RBFOX1: variants seen among roughly 807,000 people sequenced by gnomAD.
RBFOX1 encodes RNA binding protein fox-1 homolog 1.
RBFOX1 carries 8 observed loss-of-function variants against 57.7 expected under a neutral mutation model. The ratio of observed to expected loss-of-function variants is 0.14; its 90% confidence interval spans 0.08 to 0.25. The LOEUF is 0.25. Ranked by LOEUF, RBFOX1 falls within the 10% of genes least tolerant of loss-of-function variation. The probability of loss-of-function intolerance (pLI) is 1.00; values close to 1 mark genes in which losing one functional copy is unlikely to be tolerated. For missense variants in RBFOX1, 611 were observed against 548.5 expected (o/e 1.11, Z -1.14); for synonymous variants, 326 against 222.4 (o/e 1.47, Z -4.15).
chr16:6,929,148 T>G (rs1193537871), intron 3 of RBFOX1, among the ~76,000 whole-genome samples: 1 of 152,088 alleles, frequency 6.6e-6, no homozygotes, highest in Non-Finnish European at 1.5e-5. Flanking sequence ...ACACATCTCT[T>G]CTCCTGGATA....
intron 1 of RBFOX1, among the ~76,000 whole-genome samples, chr16:6,051,543 G>A (rs553650120): frequency 6.6e-6 from 1 of 152,174 alleles, no homozygotes; most frequent in South Asian, 2.1e-4. Flanking sequence ...TGGCCAGGTT[G>A]GTCTTGAACT....
intron 2 of RBFOX1, among the ~76,000 whole-genome samples, chr16:5,550,970 A>C (rs2045439019): frequency 6.6e-6 from 1 of 152,144 alleles, no homozygotes; most frequent in Non-Finnish European, 1.5e-5. Context: ...AGCCTTGAGA[A>C]GGATCCAACT....
intron 1 of RBFOX1, among the ~76,000 whole-genome samples, chr16:5,288,262 A>G (rs2063448257): frequency 6.6e-6 from 1 of 152,238 alleles, no homozygotes; most frequent in Admixed American, 6.5e-5. Context: ...TTACATGCTG[A>G]TAATTATTTG....
At chr16:6,030,100 T>G (rs955141325) in intron 1 of RBFOX1, among the ~76,000 whole-genome samples, 4 of 152,068 alleles carry the variant, frequency 2.6e-5, no homozygotes, top group Admixed American at 6.5e-5. Flanking sequence ...TAAATTTTTG[T>G]ATTTTTTTGT....
intron 2 of RBFOX1, among the ~76,000 whole-genome samples, chr16:6,593,619 C>T (rs1340949084): frequency 1.3e-5 from 2 of 152,090 alleles, no homozygotes; most frequent in Admixed American, 6.6e-5. Context: ...TCAAATTATG[C>T]TGGTAATGTG....
chr16:7,400,654 G>C (rs1036369480), intron 4 of RBFOX1, among the ~76,000 whole-genome samples: 8 of 152,154 alleles, frequency 5.3e-5, no homozygotes, highest in African/African-American at 1.9e-4. Flanking sequence ...TCATTCTTCA[G>C]CCATTTGGAG....
chr16:6,153,686 C>T (rs142098337), intron 1 of RBFOX1, among the ~76,000 whole-genome samples: 3,199 of 152,254 alleles, frequency 0.021, 45 homozygotes, highest in Middle Eastern at 0.034. Flanking sequence ...CAGGTGCCCA[C>T]CACCATGCCT....
At chr16:5,674,196 C>T (rs6500712) in intron 3 of RBFOX1, among the ~76,000 whole-genome samples, 1 of 151,992 alleles carries the variant, frequency 6.6e-6, no homozygotes, top group East Asian at 1.9e-4. Flanking sequence ...TACAGGTATA[C>T]CAAATGTTAT....
At chr16:6,369,609 C>G (rs1240054057) in intron 2 of RBFOX1, among the ~76,000 whole-genome samples, 2 of 152,172 alleles carry the variant, frequency 1.3e-5, no homozygotes, top group African/African-American at 4.8e-5. Flanking sequence ...TGTCTTGTTA[C>G]TACCATGTTC....
In RBFOX1 at chr16:6,857,733, G is replaced by C. The variant is rs1291893599; in HGVS notation, c.-15-194324G>C. The stretch of plus-strand genomic sequence containing the variant: ...TGATTTCCCATTCTCCTGTAAATTG[G>C]GAGAGGCAGGGAGAGCAGTGGAATG... On this transcript the variant is annotated intron_variant, in intron 3 of 15. Coordinates refer to ENST00000550418, the MANE Select transcript of RBFOX1 (RefSeq NM_018723.4). Among the ~76,000 whole-genome samples the C allele has an allele frequency of 1.1e-4, 17 of 152,218 alleles. No homozygotes were observed. In the East Asian group the frequency reaches 2.1e-3, roughly 19 times the overall value.
chr16:5,932,085 A>G (rs902597292), intron 4 of RBFOX1, among the ~76,000 whole-genome samples: 4 of 152,206 alleles, frequency 2.6e-5, no homozygotes, highest in African/African-American at 7.2e-5. Flanking sequence ...GATTGCAGGA[A>G]TGAGCCACTG....
chr16:6,209,805 G>C (rs1399212236), intron 1 of RBFOX1, among the ~76,000 whole-genome samples: 2 of 152,186 alleles, frequency 1.3e-5, no homozygotes, highest in East Asian at 3.9e-4. Flanking sequence ...AGAGGTTTTA[G>C]CTGCTTGTCC....
In RBFOX1 at chr16:7,710,664, T is replaced by C; in HGVS notation, c.1113T>C (p.His371=). 2 of 1,613,704 alleles carry C rather than the reference T, an allele frequency of 1.2e-6. No homozygotes were observed. Among genetic ancestry groups the C allele is most frequent in the Non-Finnish European group, 1.7e-6 (2 of 1,179,808 alleles). ...APLTDAKTRS[H]ADDVGLVLSS... is the part of the protein sequence containing the mutation. ...TGACTGATGCCAAGACTAGGAGCCA[T>C]GCTGATGATGTGGGTCTCGTTCTTT... Residue 371 remains histidine, a synonymous_variant, in exon 16 of 16, where the codon CAT becomes CAC. Coordinates refer to ENST00000550418, the MANE Select transcript of RBFOX1 (RefSeq NM_018723.4).
intron 4 of RBFOX1, among the ~76,000 whole-genome samples, chr16:7,196,405 C>T (rs1285359934): frequency 6.6e-6 from 1 of 152,190 alleles, no homozygotes; most frequent in African/African-American, 2.4e-5. Flanking sequence ...ACTTGCTTAG[C>T]AGCACAAAAT....
At chr16:5,808,762 T>C (rs2151770662) in intron 3 of RBFOX1, among the ~76,000 whole-genome samples, 1 of 152,352 alleles carries the variant, frequency 6.6e-6, no homozygotes, top group African/African-American at 2.4e-5. Flanking sequence ...TTTTTGTGCA[T>C]TGATTTTGTA....
chr16:6,486,528 G>A (rs1315480596), intron 2 of RBFOX1, among the ~76,000 whole-genome samples: 1 of 152,084 alleles, frequency 6.6e-6, no homozygotes, highest in Non-Finnish European at 1.5e-5. Flanking sequence ...AAGGGAGTTG[G>A]CGTAAGTTCT....
intron 3 of RBFOX1, among the ~76,000 whole-genome samples, chr16:6,767,954 AAG>A (rs1491149257): frequency 2.2e-3 from 198 of 90,428 alleles, no homozygotes; most frequent in East Asian, 5.4e-3. Context: ...TAATAAGAAG[AAG>A]AAGAAGAAGA....
intron 5 of RBFOX1, among the ~76,000 whole-genome samples, chr16:7,525,146 T>C (rs2078410166): frequency 6.6e-6 from 1 of 152,208 alleles, no homozygotes; most frequent in Non-Finnish European, 1.5e-5. Context: ...CTCTATCATC[T>C]GTCTCTAATT....
chr16:7,417,561 T>TGTGTGTGTGTG, intron 4 of RBFOX1, among the ~76,000 whole-genome samples: 1 of 151,780 alleles, frequency 6.6e-6, no homozygotes, highest in African/African-American at 2.4e-5. Context: ...TGTGTGTGTG[T>TGTGTGTGTGTG]TCACTTCTCT....
Sources: allele counts gnomAD v4.1 joint callset (sites outside exome capture counted in the v4.1 genomes callset), GRCh38; gene constraint gnomAD v4.1.1; transcripts MANE v1.5; gene names NCBI Gene and HGNC (gene_info 2026-07-23, HGNC 2026-07-21).